Variants in FSHR observed in about 807,000 individuals in gnomAD.
FSHR encodes follicle stimulating hormone receptor.
In FSHR, 46 loss-of-function variants were observed where a neutral mutation model predicts 52.1. That is an observed-to-expected ratio of 0.88 (90% CI 0.70 to 1.13). The LOEUF is 1.13. Ranked by LOEUF, FSHR falls within the 50% of genes most tolerant of loss-of-function variation. FSHR has a pLI of 0.00. For synonymous variants in FSHR, 399 were observed against 309.6 expected (o/e 1.29, Z -3.03); for missense variants, 964 against 834.6 (o/e 1.16, Z -1.91).
chr2:49,118,985 C>T (rs1051432726), intron 1 of FSHR, among the ~76,000 whole-genome samples: 1 of 152,178 alleles, frequency 6.6e-6, no homozygotes, highest in Non-Finnish European at 1.5e-5. Context: ...TCCCACTTGT[C>T]CTTGCATTCC....
At chr2:49,090,729 G>A (rs1670573984) in intron 1 of FSHR, among the ~76,000 whole-genome samples, 1 of 152,182 alleles carries the variant, frequency 6.6e-6, no homozygotes. Context: ...GGGTTCTCAG[G>A]AGGTATTTAT....
chr2:49,153,334 A>C (rs1051939530), intron 1 of FSHR, among the ~76,000 whole-genome samples: 1 of 152,200 alleles, frequency 6.6e-6, no homozygotes, highest in South Asian at 2.1e-4. Flanking sequence ...CTGAGTCCCA[A>C]CTTGCCAGTT....
chr2:49,056,653 C>A (rs1157489547), intron 2 of FSHR, among the ~76,000 whole-genome samples: 3 of 151,834 alleles, frequency 2.0e-5, no homozygotes, highest in East Asian at 3.9e-4. Context: ...AACTGCACCA[C>A]AGACCAAACA....
intron 1 of FSHR, among the ~76,000 whole-genome samples, chr2:49,150,784 A>T (rs999322904): frequency 6.6e-6 from 1 of 151,962 alleles, no homozygotes; most frequent in Non-Finnish European, 1.5e-5. Flanking sequence ...ACCCCACTCA[A>T]ACTAGTAATA....
At chr2:49,057,533 A>G (rs190092746) in intron 2 of FSHR, among the ~76,000 whole-genome samples, 4 of 152,276 alleles carry the variant, frequency 2.6e-5, no homozygotes, top group Admixed American at 6.5e-5. Context: ...TGAACAGGTA[A>G]TTGAAAATCT....
chr2:49,009,208 G>T, intron 4 of FSHR, among the ~76,000 whole-genome samples: 1 of 149,278 alleles, frequency 6.7e-6, no homozygotes, highest in East Asian at 2.0e-4. Flanking sequence ...TTTGTATAAG[G>T]TGTAAGGAAG....
At chr2:49,012,103 A>C (rs1166193473) in intron 4 of FSHR, among the ~76,000 whole-genome samples, 3 of 152,076 alleles carry the variant, frequency 2.0e-5, no homozygotes, top group Non-Finnish European at 4.4e-5. Context: ...TCAGTGGGGC[A>C]TGGGGGTGGG....
At chr2:49,086,594 C>T (rs528502234) in intron 1 of FSHR, among the ~76,000 whole-genome samples, 4 of 152,310 alleles carry the variant, frequency 2.6e-5, no homozygotes, top group South Asian at 2.1e-4. Context: ...CTGAGCCTCT[C>T]TCCTGGAGGT....
intron 1 of FSHR, among the ~76,000 whole-genome samples, chr2:49,112,572 A>AG (rs1671460070): frequency 6.6e-6 from 1 of 152,246 alleles, no homozygotes; most frequent in Admixed American, 6.5e-5. Flanking sequence ...ATGCATTGAT[A>AG]GGTAGAGAAA....
chr2:49,003,522 A>C (rs1666978664), intron 4 of FSHR, among the ~76,000 whole-genome samples: 1 of 152,184 alleles, frequency 6.6e-6, no homozygotes, highest in Non-Finnish European at 1.5e-5. Flanking sequence ...GTTTGGGGGC[A>C]GCTGGGACAA....
intron 4 of FSHR, among the ~76,000 whole-genome samples, chr2:49,008,928 C>A (rs1160241740): frequency 1.3e-5 from 2 of 152,020 alleles, no homozygotes; most frequent in East Asian, 1.9e-4. Flanking sequence ...TGGATACTAG[C>A]CCTTTGTCAG....
chr2:49,005,482 G>A (rs571252053), intron 4 of FSHR, among the ~76,000 whole-genome samples: 1 of 152,268 alleles, frequency 6.6e-6, no homozygotes, highest in South Asian at 2.1e-4. Flanking sequence ...CCAGGAGATG[G>A]CTAATAATTT....
intron 4 of FSHR, among the ~76,000 whole-genome samples, chr2:48,991,845 G>A (rs1334807843): frequency 2.0e-5 from 3 of 152,098 alleles, no homozygotes; most frequent in Admixed American, 2.0e-4. Context: ...AGATGGAGGT[G>A]GTGATAGTTG....
At chr2:49,150,849 A>C (rs1388912820) in intron 1 of FSHR, among the ~76,000 whole-genome samples, 1 of 151,960 alleles carries the variant, frequency 6.6e-6, no homozygotes, top group Non-Finnish European at 1.5e-5. Context: ...TACATAGTCC[A>C]TGGGCCAAAT....
At chr2:49,118,796 T>C (rs1301391933) in intron 1 of FSHR, among the ~76,000 whole-genome samples, 1 of 152,210 alleles carries the variant, frequency 6.6e-6, no homozygotes, top group East Asian at 1.9e-4. Flanking sequence ...GGCACCACAG[T>C]TCCAAGAAAT....
chr2:49,020,056 A>G (rs1229517349), intron 3 of FSHR, 30 bp downstream of exon 3: 11 of 1,595,406 alleles, frequency 6.9e-6, no homozygotes, highest in South Asian at 1.1e-5. Flanking sequence ...AAGAATGGCC[A>G]TGAGCAAATC....
chr2:49,043,673 C>A (rs1301044873), intron 2 of FSHR, among the ~76,000 whole-genome samples: 2 of 152,142 alleles, frequency 1.3e-5, no homozygotes, highest in Non-Finnish European at 2.9e-5. Context: ...ACCAAATGTT[C>A]CGATGAATTC....
chr2:48,963,277 C>T lies in FSHR; in HGVS notation c.1544G>A (p.Ser515Asn), dbSNP rs763325688. The T allele has an allele frequency of 6.2e-7, 1 of 1,614,138 alleles. No individual in the cohort carries two copies. The highest frequency in any genetic ancestry group is 1.7e-5 in the Admixed American group (1 of 60,002). Residue 515 changes from serine (S) to asparagine (N), a missense_variant, in exon 10 of 10, where the codon AGC (serine) becomes AAC (asparagine). Transcript: ENST00000406846. ...IFGISSYMKV[S>N]ICLPMDIDSP... ...GTCAATATCCATGGGCAGGCAGATGCTCACCTTCATGTAGCTGCTGATGCC... is the reference window on the plus strand; with the variant it reads ...GTCAATATCCATGGGCAGGCAGATGTTCACCTTCATGTAGCTGCTGATGCC...
chr2:49,029,540 G>C (rs1228176600), intron 2 of FSHR, among the ~76,000 whole-genome samples: 1 of 152,186 alleles, frequency 6.6e-6, no homozygotes, highest in African/African-American at 2.4e-5. Context: ...AGCTTTCTGA[G>C]ATCCATTTTC....
Sources: gnomAD v4.1 joint callset for allele counts (sites outside exome capture counted in the v4.1 genomes callset) on GRCh38, gnomAD v4.1.1 for gene constraint, MANE v1.5 for transcripts, NCBI Gene and HGNC (gene_info 2026-07-23, HGNC 2026-07-21) for gene names.